Variants in FAM227B observed in about 807,000 individuals in gnomAD.
FAM227B encodes the protein protein FAM227B.
FAM227B carries 88 observed loss-of-function variants against 73.8 expected under a neutral mutation model. The ratio of observed to expected loss-of-function variants is 1.19; its 90% confidence interval spans 1.00 to 1.42. The LOEUF (loss-of-function observed/expected upper bound fraction) is 1.42. Among genes scored for constraint, FAM227B ranks in the 40% most tolerant of loss-of-function variants. FAM227B has a pLI of 0.00. For missense variants in FAM227B, 632 were observed against 590.9 expected, an observed-to-expected ratio of 1.07 and a Z score of -0.72; for synonymous variants, 210 against 190.5, an observed-to-expected ratio of 1.10 and a Z score of -0.84.
chr15:49,418,417 C>A (rs2049364476), intron 11 of FAM227B, among the ~76,000 whole-genome samples: 1 of 152,148 alleles, frequency 6.6e-6, no homozygotes, highest in Admixed American at 6.5e-5. Flanking sequence ...AATCTAAATG[C>A]CCTCAATGGT....
chr15:49,453,222 C>T lies in FAM227B; in HGVS notation c.1012+54989G>A, dbSNP rs1052993652. On this transcript the variant is annotated intron_variant, in intron 11 of 15. Coordinates refer to ENST00000299338, the MANE Select transcript of FAM227B (RefSeq NM_152647.3). ...TGAATATGTTCTGTTTAATCTAATA[C>T]GTCATTTCAACACATAATCAGTATA... Among the ~76,000 whole-genome samples the T allele has an allele frequency of 5.9e-5, 9 of 151,800 alleles. No homozygotes were observed. The East Asian group carries it at 9.7e-4, about 16-fold the overall frequency.
chr15:49,525,204 TG>T (rs2060072498), intron 10 of FAM227B, among the ~76,000 whole-genome samples: 1 of 151,996 alleles, frequency 6.6e-6, no homozygotes, highest in Admixed American at 6.6e-5. Context: ...AGGGACCCAG[TG>T]GGAGGTAATT....
chr15:49,530,255 G>A (rs1470275562), intron 10 of FAM227B, among the ~76,000 whole-genome samples: 1 of 150,576 alleles, frequency 6.6e-6, no homozygotes, highest in Non-Finnish European at 1.5e-5. Context: ...GAAATCCTGT[G>A]GTAAATTCAG....
intron 11 of FAM227B, among the ~76,000 whole-genome samples, chr15:49,492,725 A>G (rs1482304864): frequency 6.6e-6 from 1 of 151,894 alleles, no homozygotes; most frequent in Non-Finnish European, 1.5e-5. Context: ...GTGATATTTT[A>G]TTGTCTTCTA....
intron 10 of FAM227B, among the ~76,000 whole-genome samples, chr15:49,519,317 GA>G (rs1422466999): frequency 2.0e-5 from 3 of 152,186 alleles, no homozygotes; most frequent in Non-Finnish European, 4.4e-5. Context: ...CTGGGGTCTA[GA>G]GGACAGTGGC....
At chr15:49,543,864 AT>A (rs2071438445) in intron 9 of FAM227B, among the ~76,000 whole-genome samples, 2 of 152,090 alleles carry the variant, frequency 1.3e-5, no homozygotes, top group South Asian at 4.1e-4. Flanking sequence ...CTACTTGCCT[AT>A]TTTTATACTA....
intron 3 of FAM227B, among the ~76,000 whole-genome samples, chr15:49,607,288 C>T (rs35091054): frequency 0.11 from 16,380 of 152,160 alleles, 1,241 homozygotes; most frequent in East Asian, 0.36. Flanking sequence ...ACGTTAAGTG[C>T]CCTCTTCCAA....
At chr15:49,378,156 ATGAGTTCAC>A (rs2046291957) in intron 11 of FAM227B, among the ~76,000 whole-genome samples, 1 of 152,250 alleles carries the variant, frequency 6.6e-6, no homozygotes, top group African/African-American at 2.4e-5. Flanking sequence ...TTTGTTAAAA[ATGAGTTCAC>A]TGTAGGTGTG....
chr15:49,520,909 G>A (rs1324228721), intron 10 of FAM227B, among the ~76,000 whole-genome samples: 3 of 152,154 alleles, frequency 2.0e-5, no homozygotes, highest in Admixed American at 6.5e-5. Context: ...TGAAGTCCCA[G>A]TGAAAGGATA....
chr15:49,574,511 G>A (rs942293815), intron 8 of FAM227B, among the ~76,000 whole-genome samples: 1 of 152,134 alleles, frequency 6.6e-6, no homozygotes, highest in African/African-American at 2.4e-5. Context: ...TGTGAAGAAG[G>A]TGCCTGCTTC....
chr15:49,571,695 A>G (rs1301372932), intron 8 of FAM227B, among the ~76,000 whole-genome samples: 4 of 151,834 alleles, frequency 2.6e-5, no homozygotes, highest in South Asian at 2.1e-4. Context: ...TTTCTGTTCT[A>G]TGCGTATATG....
intron 5 of FAM227B, among the ~76,000 whole-genome samples, chr15:49,585,679 C>T (rs764236048): frequency 6.6e-6 from 1 of 151,980 alleles, no homozygotes; most frequent in East Asian, 1.9e-4. Context: ...ACATCACACA[C>T]CGGGGACTGT....
At chr15:49,508,008 A>G (rs2058706355) in intron 11 of FAM227B, among the ~76,000 whole-genome samples, 1 of 152,162 alleles carries the variant, frequency 6.6e-6, no homozygotes, top group Admixed American at 6.5e-5. Flanking sequence ...CAAAAAGGAT[A>G]AACATTTTAA....
At chr15:49,330,506 C>T (rs1343081324) in intron 15 of FAM227B, 1 of 152,156 alleles carries the variant, frequency 6.6e-6, no homozygotes, top group Non-Finnish European at 1.5e-5. Context: ...AACATTTCTA[C>T]AGGGCATCAA....
chr15:49,376,779 T>C (rs2046191128), intron 11 of FAM227B, among the ~76,000 whole-genome samples: 1 of 152,090 alleles, frequency 6.6e-6, no homozygotes, highest in Admixed American at 6.6e-5. Context: ...CTATACTTTC[T>C]TTCAATACTG....
At chr15:49,471,551 T>C (rs1048545213) in intron 11 of FAM227B, among the ~76,000 whole-genome samples, 2 of 150,102 alleles carry the variant, frequency 1.3e-5, no homozygotes, top group Admixed American at 1.3e-4. Context: ...TGTAATGAAT[T>C]TATATACAGA....
chr15:49,372,609 G>A (rs989480718), intron 11 of FAM227B, among the ~76,000 whole-genome samples: 6 of 152,188 alleles, frequency 3.9e-5, no homozygotes, highest in African/African-American at 1.4e-4. Context: ...TGAGGGTACA[G>A]AGGGATTCGT....
intron 11 of FAM227B, among the ~76,000 whole-genome samples, chr15:49,473,056 G>A (rs573124161): frequency 3.9e-4 from 59 of 152,124 alleles, no homozygotes; most frequent in African/African-American, 1.4e-3. Context: ...GGTACTTGGG[G>A]GATTAATTTA....
chr15:49,336,768 C>G (rs1250299152), intron 13 of FAM227B, among the ~76,000 whole-genome samples: 1 of 152,020 alleles, frequency 6.6e-6, no homozygotes, highest in Non-Finnish European at 1.5e-5. Context: ...GGGTATATTT[C>G]ACGATATTGA....
Sources: allele counts gnomAD v4.1 joint callset (sites outside exome capture counted in the v4.1 genomes callset), GRCh38; gene constraint gnomAD v4.1.1; transcripts MANE v1.5; gene names NCBI Gene and HGNC (gene_info 2026-07-23, HGNC 2026-07-21).